Variants in TCF7L1 observed in about 807,000 individuals in gnomAD.
TCF7L1 encodes transcription factor 7-like 1.
Under a neutral mutation model 63.7 loss-of-function variants are expected in TCF7L1, and 18 were observed. The ratio of observed to expected loss-of-function variants is 0.28; its 90% CI spans 0.20 to 0.42. TCF7L1 has a LOEUF of 0.42. TCF7L1 is among the 10% of genes least tolerant of loss of function. The probability of loss-of-function intolerance (pLI) is 1.00; values close to 1 mark genes in which losing one functional copy is unlikely to be tolerated. For synonymous variants in TCF7L1, 355 were observed against 340.9 expected, an observed-to-expected ratio of 1.04 and a Z score of -0.46; for missense variants, 654 against 779.3, an observed-to-expected ratio of 0.84 and a Z score of 1.91.
At chr2:85,242,754 T>A (rs1017261801) in intron 3 of TCF7L1, among the ~76,000 whole-genome samples, 1 of 152,240 alleles carries the variant, frequency 6.6e-6, no homozygotes, top group Non-Finnish European at 1.5e-5. Context: ...TCCTCCTGTT[T>A]CTTCTCTTTG....
At chr2:85,177,598 G>A (rs751965269) in intron 3 of TCF7L1, among the ~76,000 whole-genome samples, 3 of 152,112 alleles carry the variant, frequency 2.0e-5, no homozygotes, top group Non-Finnish European at 4.4e-5. Context: ...CCAGCTACTC[G>A]GGAGTCCGAG....
chr2:85,144,855 G>A (rs1044612569), intron 3 of TCF7L1, among the ~76,000 whole-genome samples: 6 of 151,718 alleles, frequency 4.0e-5, no homozygotes, highest in African/African-American at 1.5e-4. Flanking sequence ...AGGCCGAGGC[G>A]GGAGGATCAC....
chr2:85,153,340 A>ATATTTTT (rs750002994), intron 3 of TCF7L1, among the ~76,000 whole-genome samples: 65 of 102,264 alleles, frequency 6.4e-4, no homozygotes, highest in African/African-American at 2.6e-3. Flanking sequence ...GCCTTTATAA[A>ATATTTTT]TTTTTTTTTT....
intron 3 of TCF7L1, among the ~76,000 whole-genome samples, chr2:85,223,210 T>C (rs1346316383): frequency 6.6e-6 from 1 of 152,164 alleles, no homozygotes; most frequent in African/African-American, 2.4e-5. Context: ...GCCTCCTGAG[T>C]AGCTGGGACT....
intron 3 of TCF7L1, among the ~76,000 whole-genome samples, chr2:85,275,616 A>C (rs149503094): frequency 9.5e-4 from 144 of 152,302 alleles, no homozygotes; most frequent in Non-Finnish European, 1.7e-3. Flanking sequence ...AAGTCACTTC[A>C]TTGGTTTAAG....
chr2:85,222,690 G>GCC (rs1679873760), intron 3 of TCF7L1, among the ~76,000 whole-genome samples: 1 of 123,392 alleles, frequency 8.1e-6, no homozygotes, highest in Admixed American at 7.6e-5. Flanking sequence ...AAAAAAAAAA[G>GCC]ATTAAAGGCT....
chr2:85,176,510 G>A lies in TCF7L1; in HGVS notation c.441+42060G>A, dbSNP rs7596164. On this transcript the variant is annotated intron_variant, in intron 3 of 11. Coordinates refer to ENST00000282111, the MANE Select transcript of TCF7L1 (RefSeq NM_031283.3). ...TGTCTGGAGTCCCCATGGCAAGTTC[G>A]CATCCTCTTTCATGTCCCTGGCTCC... is the stretch of plus-strand genomic sequence containing the variant. Among the ~76,000 whole-genome samples the A allele has an allele frequency of 5.5e-3, 844 of 152,238 alleles. 5 individuals are homozygous for A. The highest frequency in any genetic ancestry group is 0.019 in the African/African-American group (787 of 41,528).
At chr2:85,182,528 G>C (rs1381984314) in intron 3 of TCF7L1, among the ~76,000 whole-genome samples, 1 of 152,166 alleles carries the variant, frequency 6.6e-6, no homozygotes, top group Non-Finnish European at 1.5e-5. Flanking sequence ...GGCTGTTCCA[G>C]GCAGGATAAG....
intron 3 of TCF7L1, among the ~76,000 whole-genome samples, chr2:85,144,597 G>A (rs769045451): frequency 6.6e-6 from 1 of 151,624 alleles, no homozygotes; most frequent in Non-Finnish European, 1.5e-5. Context: ...GTAAGACCCT[G>A]TCTCAAAAAA....
chr2:85,165,728 T>G (rs950995818), intron 3 of TCF7L1, among the ~76,000 whole-genome samples: 3 of 152,176 alleles, frequency 2.0e-5, no homozygotes, highest in African/African-American at 7.2e-5. Context: ...GGAACTTGGT[T>G]TGTTTTTTGT....
At chr2:85,307,750 T>A in intron 11 of TCF7L1, 33 bp downstream of exon 11, 3 of 1,599,778 alleles carry the variant, frequency 1.9e-6, no homozygotes, top group Non-Finnish European at 2.6e-6. Context: ...CTTCTCCTGC[T>A]TTTCCTTTTG....
At chr2:85,280,456 G>T (rs1455855210) in intron 3 of TCF7L1, among the ~76,000 whole-genome samples, 1 of 152,032 alleles carries the variant, frequency 6.6e-6, no homozygotes, top group African/African-American at 2.4e-5. Context: ...CCCAGACTAG[G>T]GTTTACATTT....
chr2:85,207,996 TC>T (rs1156652253), intron 3 of TCF7L1, among the ~76,000 whole-genome samples: 2 of 152,084 alleles, frequency 1.3e-5, no homozygotes, highest in East Asian at 3.9e-4. Context: ...AAGCTCTGCC[TC>T]CCGGGTTCAC....
At chr2:85,234,615 C>A (rs963907874) in intron 3 of TCF7L1, among the ~76,000 whole-genome samples, 1 of 152,232 alleles carries the variant, frequency 6.6e-6, no homozygotes, top group Non-Finnish European at 1.5e-5. Context: ...CATTCCCCAT[C>A]TGCTGGAATT....
At chr2:85,249,938 G>C (rs1036292083) in intron 3 of TCF7L1, among the ~76,000 whole-genome samples, 1 of 152,212 alleles carries the variant, frequency 6.6e-6, no homozygotes, top group African/African-American at 2.4e-5. Context: ...GATTAAGTGA[G>C]TTTGCAGTGT....
At chr2:85,178,999 C>T (rs78183773) in intron 3 of TCF7L1, among the ~76,000 whole-genome samples, 1,568 of 152,248 alleles carry the variant, frequency 0.01, 13 homozygotes, top group Non-Finnish European at 0.015. Context: ...ACTACCCACC[C>T]GTCAGAGCCT....
chr2:85,221,891 AGATT>A, intron 3 of TCF7L1, among the ~76,000 whole-genome samples: 1 of 152,048 alleles, frequency 6.6e-6, no homozygotes, highest in East Asian at 1.9e-4. Context: ...AGAACATGTT[AGATT>A]GACACCATGA....
At chr2:85,171,809 A>G (rs1189434319) in intron 3 of TCF7L1, among the ~76,000 whole-genome samples, 3 of 152,154 alleles carry the variant, frequency 2.0e-5, no homozygotes, top group South Asian at 2.1e-4. Context: ...GGATTGTGAC[A>G]TCTCCTTTGC....
intron 3 of TCF7L1, among the ~76,000 whole-genome samples, chr2:85,254,446 T>TG (rs928522238): frequency 2.2e-4 from 34 of 152,264 alleles, no homozygotes; most frequent in African/African-American, 7.5e-4. Context: ...TTTCCTGCAT[T>TG]GGGGGGGCTT....
Sources: allele counts gnomAD v4.1 joint callset (sites outside exome capture counted in the v4.1 genomes callset), GRCh38; gene constraint gnomAD v4.1.1; transcripts MANE v1.5; gene names NCBI Gene and HGNC (gene_info 2026-07-23, HGNC 2026-07-21).